DYM: variants seen among roughly 807,000 people sequenced by gnomAD.
The protein encoded by DYM is dyggve-Melchior-Clausen syndrome protein.
A neutral mutation model predicts 93.1 loss-of-function variants in DYM; 78 were observed. The observed-to-expected ratio is 0.84, with a 90% CI of 0.70 to 1.01. The LOEUF (loss-of-function observed/expected upper bound fraction) is 1.01, where lower values mean the gene tolerates loss of function less well. Ranked by LOEUF, DYM falls within the 50% of genes least tolerant of loss-of-function variation. The pLI is 0.00. For synonymous variants in DYM, 321 were observed against 319.7 expected (o/e 1.00, Z -0.04); for missense variants, 789 against 845.0 (o/e 0.93, Z 0.82).
At chr18:49,067,176 G>C (rs2076472781) in intron 17 of DYM, among the ~76,000 whole-genome samples, 1 of 141,734 alleles carries the variant, frequency 7.1e-6, no homozygotes, top group African/African-American at 2.6e-5. Flanking sequence ...GAGCACTATG[G>C]AGGTTCAGTA....
At chr18:49,437,064 TTC>T (rs1336525859) in intron 1 of DYM, among the ~76,000 whole-genome samples, 1 of 152,030 alleles carries the variant, frequency 6.6e-6, no homozygotes, top group Non-Finnish European at 1.5e-5. Context: ...TGTCAGATGT[TTC>T]TGTTTATTTT....
At chr18:49,302,773 C>T (rs1415607419) in intron 8 of DYM, among the ~76,000 whole-genome samples, 1 of 152,168 alleles carries the variant, frequency 6.6e-6, no homozygotes, top group Non-Finnish European at 1.5e-5. Context: ...AAGTCCCTTA[C>T]TCACATAACA....
chr18:49,393,227 G>C (rs2069607079), intron 2 of DYM, among the ~76,000 whole-genome samples: 1 of 152,008 alleles, frequency 6.6e-6, no homozygotes, highest in Non-Finnish European at 1.5e-5. Flanking sequence ...GTGCACTGAT[G>C]GTATGTAAAA....
chr18:49,120,533 G>A (rs1259233934), intron 15 of DYM, among the ~76,000 whole-genome samples: 3 of 152,168 alleles, frequency 2.0e-5, no homozygotes, highest in Admixed American at 2.0e-4. Flanking sequence ...GCATACTACA[G>A]TTGCTCACTC....
At position 49,359,804 on chromosome 18, in the gene DYM, C is replaced by T. The variant is rs566895547; in HGVS notation, c.494+3357G>A. 5 of 152,346 alleles carry T rather than the reference C, an allele frequency of 3.3e-5. No homozygotes were observed. The South Asian group carries it at 1.0e-3, about 32-fold the overall frequency. 9.4% of individuals were successfully genotyped at this position (152,346 alleles called of 1,614,324 possible). On this transcript the variant is annotated intron_variant, in intron 6 of 17. Coordinates refer to ENST00000675505, the MANE Select transcript of DYM (RefSeq NM_001353214.3). ...TGTGAAATGTGAAACGTTTATAGCA[C>T]TTCTGATGATGTTCAGGTGTGAGAG... is the stretch of plus-strand genomic sequence containing the variant.
intron 3 of DYM, among the ~76,000 whole-genome samples, chr18:49,381,324 A>G (rs1461956887): frequency 1.3e-5 from 2 of 152,236 alleles, no homozygotes; most frequent in Non-Finnish European, 2.9e-5. Context: ...CATGGGAATA[A>G]GTACAGCATT....
intron 13 of DYM, among the ~76,000 whole-genome samples, chr18:49,213,594 G>T (rs2092893497): frequency 6.6e-6 from 1 of 152,094 alleles, no homozygotes; most frequent in Admixed American, 6.5e-5. Context: ...GGGATTACAG[G>T]CACGAGCCAC....
intron 15 of DYM, among the ~76,000 whole-genome samples, chr18:49,121,925 G>C (rs990486420): frequency 1.3e-5 from 2 of 152,114 alleles, no homozygotes; most frequent in African/African-American, 4.8e-5. Flanking sequence ...TATTTCTTCA[G>C]GCAGAAGAAA....
chr18:49,057,421 C>T (rs1897332849), intron 17 of DYM, among the ~76,000 whole-genome samples: 1 of 152,242 alleles, frequency 6.6e-6, no homozygotes, highest in African/African-American at 2.4e-5. Context: ...CACAGTGTTT[C>T]CCAGGCAGGC....
At chr18:49,258,198 A>G (rs1369518427) in intron 12 of DYM, among the ~76,000 whole-genome samples, 182 bp downstream of exon 12, 1 of 152,236 alleles carries the variant, frequency 6.6e-6, no homozygotes. Flanking sequence ...CAATCATACA[A>G]GCCATTAAAT....
At chr18:49,381,102 T>A (rs1055074065) in intron 3 of DYM, among the ~76,000 whole-genome samples, 5 of 152,126 alleles carry the variant, frequency 3.3e-5, no homozygotes, top group African/African-American at 1.2e-4. Flanking sequence ...GTTCAAGTGA[T>A]CCTTCTGCCT....
chr18:49,441,289 TATAATATAATTATATATAATTA>T (rs1568454874), intron 1 of DYM, among the ~76,000 whole-genome samples: 12 of 44,670 alleles, frequency 2.7e-4, no homozygotes, highest in African/African-American at 6.1e-4. Flanking sequence ...TATAATTATA[TATAATATAATTATATATAATTA>T]ATATATAATT....
At chr18:49,348,870 T>C (rs1238728761) in intron 6 of DYM, among the ~76,000 whole-genome samples, 4 of 131,618 alleles carry the variant, frequency 3.0e-5, no homozygotes, top group Non-Finnish European at 6.5e-5. Flanking sequence ...GATCGCGCCA[T>C]TGCACTCCAG....
At chr18:49,080,233 A>G (rs2077754601) in intron 17 of DYM, among the ~76,000 whole-genome samples, 1 of 87,256 alleles carries the variant, frequency 1.1e-5, no homozygotes, top group African/African-American at 4.6e-5. Flanking sequence ...TCCCTCTCGG[A>G]CGGGGCGGCT....
At chr18:49,048,420 G>A (rs1466551875) in intron 17 of DYM, 2 of 152,146 alleles carry the variant, frequency 1.3e-5, no homozygotes, top group Non-Finnish European at 2.9e-5. Context: ...TGGTAATGTC[G>A]CTGTTAAAAC....
Position 49,116,749 on chromosome 18 carries a change from A to T in DYM, c.1911+1995T>A, listed in dbSNP as rs183534351. 2.0e-5 allele frequency among the ~76,000 whole-genome samples: 3 copies of T among 152,344 alleles called. No individual in the cohort carries two copies. The East Asian group carries it at 5.8e-4, about 29-fold the overall frequency. On this transcript the variant is annotated intron_variant, in intron 16 of 17. Transcript: ENST00000675505. ...TCATCTTCTATCAAAGCATAAAACT[A>T]ACAGGAATTCTTAGACTATAAACCA...
In DYM at chr18:49,363,150, C is replaced by A. The variant is rs753365496; in HGVS notation, c.494+11G>T. On this transcript the variant is annotated intron_variant, in intron 6 of 17. Transcript: ENST00000675505. ...GAAGATAAAACAAATCCTGGCCTAG[C>A]CAGAACTTACAAGAGTGGAATATCA... 2 of 1,609,778 alleles carry A rather than the reference C, an allele frequency of 1.2e-6. No individual in the cohort carries two copies. Among genetic ancestry groups the A allele is most frequent in the Non-Finnish European group, 1.7e-6 (2 of 1,176,178 alleles).
At chr18:49,093,626 T>TATTCA (rs1317872145) in intron 17 of DYM, among the ~76,000 whole-genome samples, 6 of 152,196 alleles carry the variant, frequency 3.9e-5, no homozygotes, top group Admixed American at 1.3e-4. Flanking sequence ...GGATGCTGGC[T>TATTCA]ATTCATATTT....
intron 14 of DYM, among the ~76,000 whole-genome samples, chr18:49,198,884 AC>A (rs939643296): frequency 1.3e-5 from 2 of 151,726 alleles, no homozygotes; most frequent in Admixed American, 1.3e-4. Flanking sequence ...CTGGGTATAT[AC>A]CCAAAGGATT....
Sources: allele counts gnomAD v4.1 joint callset (sites outside exome capture counted in the v4.1 genomes callset), GRCh38; gene constraint gnomAD v4.1.1; transcripts MANE v1.5; gene names NCBI Gene and HGNC (gene_info 2026-07-23, HGNC 2026-07-21).